Variants in GOPC observed in about 807,000 individuals in gnomAD.
GOPC encodes the protein Golgi-associated PDZ and coiled-coil motif-containing protein.
In GOPC, 32 loss-of-function variants were observed where a neutral mutation model predicts 51.2. That is an observed-to-expected ratio of 0.63 (90% CI 0.47 to 0.84). GOPC has a LOEUF of 0.84. Among genes scored for constraint, GOPC ranks in the 40% least tolerant of loss-of-function variants. GOPC has a pLI of 0.00. For missense variants in GOPC, 441 were observed against 555.5 expected (o/e 0.79, Z 2.07); for synonymous variants, 190 against 205.1 (o/e 0.93, Z 0.63).
chr6:117,570,954 T>G lies in GOPC; in HGVS notation c.818A>C (p.Asp273Ala). The G allele has an allele frequency of 1.3e-6, 2 of 1,554,034 alleles. No homozygotes were observed. Among genetic ancestry groups the G allele is most frequent in the Non-Finnish European group, 1.8e-6 (2 of 1,130,758 alleles). ...KRPMQAPPGH[D>A]QDSLKKSQGV... ...TTGGCTTTTCTTTAGGGAATCTTGATCCTTATTGGGAGGAAAAAAGAAGAA... is the reference window on the plus strand; with the variant it reads ...TTGGCTTTTCTTTAGGGAATCTTGAGCCTTATTGGGAGGAAAAAAGAAGAA... The change falls in exon 6 of 9, where the codon GAT becomes GCT. Residue 273 changes from aspartate to alanine, a missense_variant and splice_region_variant. Physicochemically the swap from Asp to Ala is moderately radical, Grantham distance 126 (BLOSUM62 -2). Around this residue, in one of 3 missense-constraint regions of GOPC, gnomAD observed 166 missense variants for 267.0 expected, o/e 0.62. Transcript: ENST00000368498.
At chr6:117,582,481 G>GT (rs1464772372) in intron 1 of GOPC, among the ~76,000 whole-genome samples, 1 of 151,510 alleles carries the variant, frequency 6.6e-6, no homozygotes, top group Non-Finnish European at 1.5e-5. Flanking sequence ...ATCAAATGTT[G>GT]TTTTTTCTAA....
At chr6:117,592,295 A>T (rs1780130287) in intron 1 of GOPC, among the ~76,000 whole-genome samples, 1 of 152,106 alleles carries the variant, frequency 6.6e-6, no homozygotes, top group Non-Finnish European at 1.5e-5. Context: ...TGAACCCAGG[A>T]GGCAGAGGTT....
chr6:117,600,646 A>G (rs1469404028), intron 1 of GOPC, among the ~76,000 whole-genome samples: 1 of 152,188 alleles, frequency 6.6e-6, no homozygotes, highest in African/African-American at 2.4e-5. Context: ...TTTTTGAAAA[A>G]AATATAATAA....
Position 117,577,477 on chromosome 6 carries a change from G to T in GOPC, c.451-6C>A, listed in dbSNP as rs781449011. 1 of 1,597,360 alleles carries T rather than the reference G, an allele frequency of 6.3e-7. No homozygotes were observed. Among genetic ancestry groups the T allele is most frequent in the South Asian group, 1.1e-5 (1 of 88,326 alleles). On this transcript the variant is annotated splice_region_variant and splice_polypyrimidine_tract_variant and intron_variant, in intron 2 of 8. Transcript: ENST00000368498. The stretch of plus-strand genomic sequence containing the variant: ...TCCTCCACAGAGGGGCCAGACTTCA[G>T]ATATAAGAAAAAAGTTTTATAATTA...
In GOPC at chr6:117,602,231, A is replaced by C. The variant is rs1331240077; in HGVS notation, c.58T>G (p.Cys20Gly). The stretch of plus-strand genomic sequence containing the variant: ...ACCCCGCCAGGGGCCCCCACGGAGC[A>C]GGAGGCGCCCCCTGGGCCCCCTCCG... ...AAGGGPGGASCSVGAPGGVSM... is the reference protein window; with the variant it reads ...AAGGGPGGASGSVGAPGGVSM... The change falls in exon 1 of 9, where the codon TGC (cysteine) becomes GGC (glycine). Residue 20 changes from cysteine to glycine, a missense_variant. This residue lies in a region of GOPC where 204 missense variants were observed against 219.8 expected (regional missense o/e 0.93). Coordinates refer to ENST00000368498, the MANE Select transcript of GOPC (RefSeq NM_020399.4). The C allele has an allele frequency of 6.2e-7, 1 of 1,604,792 alleles. No individual in the cohort carries two copies.
At chr6:117,593,408 A>G (rs1355370276) in intron 1 of GOPC, among the ~76,000 whole-genome samples, 8 of 152,216 alleles carry the variant, frequency 5.3e-5, no homozygotes, top group Non-Finnish European at 1.0e-4. Flanking sequence ...TGCTTCTCAC[A>G]GACTTATGTT....
At chr6:117,570,650 A>G (rs1218925446) in intron 6 of GOPC, among the ~76,000 whole-genome samples, 1 of 152,088 alleles carries the variant, frequency 6.6e-6, no homozygotes, top group Non-Finnish European at 1.5e-5. Flanking sequence ...ATGTTAAACT[A>G]TGCTTACTAA....
intron 7 of GOPC, among the ~76,000 whole-genome samples, 157 bp from the exon 8 acceptor site, chr6:117,567,191 G>A (rs1383092134): frequency 6.6e-6 from 1 of 152,164 alleles, no homozygotes; most frequent in African/African-American, 2.4e-5. Flanking sequence ...TAAAGAGGTA[G>A]TGAGGCCATC....
At chr6:117,596,132 C>G (rs1780194002) in intron 1 of GOPC, among the ~76,000 whole-genome samples, 1 of 152,092 alleles carries the variant, frequency 6.6e-6, no homozygotes, top group Non-Finnish European at 1.5e-5. Context: ...TTTTGATTTG[C>G]ATTCCTCTGA....
chr6:117,593,506 C>T (rs1457158780), intron 1 of GOPC, among the ~76,000 whole-genome samples: 1 of 152,202 alleles, frequency 6.6e-6, no homozygotes, highest in Non-Finnish European at 1.5e-5. Flanking sequence ...CAGCCACACT[C>T]ACTCTTTCTG....
chr6:117,581,903 T>C (rs1040772328), intron 1 of GOPC, among the ~76,000 whole-genome samples: 10 of 152,190 alleles, frequency 6.6e-5, no homozygotes, highest in Non-Finnish European at 1.3e-4. Context: ...TTACAGAGTA[T>C]GTACGTTAGA....
chr6:117,575,093 T>G lies in GOPC; in HGVS notation c.650+84A>C, dbSNP rs1325223497. ...GACTCCATCTCAAAAAAATAAAAAA[T>G]AAAAAAAGAAAGAAGTAAGAGTCAA... On this transcript the variant is annotated intron_variant, in intron 4 of 8. Transcript: ENST00000368498. 5 of 1,132,514 alleles carry G rather than the reference T, an allele frequency of 4.4e-6. No homozygotes were observed. The African/African-American group carries it at 7.9e-5, about 18-fold the overall frequency. The allele number at this position is 1,132,514 out of a possible 1,614,324, so 70.2% of individuals were successfully genotyped here.
intron 1 of GOPC, among the ~76,000 whole-genome samples, chr6:117,582,619 G>A (rs752375860): frequency 3.3e-5 from 5 of 151,178 alleles, no homozygotes; most frequent in African/African-American, 4.9e-5. Context: ...GCTGGACATC[G>A]GAGAGAGGCA....
intron 2 of GOPC, 77 bp downstream of exon 2, chr6:117,578,823 T>A (rs924856105): frequency 5.6e-6 from 5 of 896,496 alleles, no homozygotes; most frequent in Admixed American, 3.2e-5. Context: ...ATTTTATAAT[T>A]TAAAAGTCTC....
intron 7 of GOPC, among the ~76,000 whole-genome samples, chr6:117,568,200 C>T (rs117091311): frequency 0.011 from 1,588 of 150,962 alleles, 21 homozygotes; most frequent in South Asian, 0.044. Context: ...ATCCTGGCTC[C>T]AAAAAAGAAA....
chr6:117,587,712 T>C (rs1013761534), intron 1 of GOPC, among the ~76,000 whole-genome samples: 1 of 152,154 alleles, frequency 6.6e-6, no homozygotes, highest in African/African-American at 2.4e-5. Flanking sequence ...TAAAACATTA[T>C]TTGTCTTTTT....
chr6:117,586,472 ATTCTT>A, intron 1 of GOPC, among the ~76,000 whole-genome samples: 1 of 119,572 alleles, frequency 8.4e-6, no homozygotes, highest in African/African-American at 3.2e-5. Context: ...CATCACAGAG[ATTCTT>A]TTTTTTTTTT....
intron 3 of GOPC, 59 bp downstream of exon 3, chr6:117,577,389 A>G (rs1779898021): frequency 2.1e-6 from 3 of 1,454,708 alleles, no homozygotes; most frequent in Non-Finnish European, 9.5e-7. Flanking sequence ...ATATGCAAAT[A>G]AAACACTAAG....
rs1265161048 is a variant in GOPC, at chr6:117,561,416, G to A, written c.*1838C>T. 5 of 224,028 alleles carry A rather than the reference G, an allele frequency of 2.2e-5. No homozygotes were observed. The Admixed American group carries it at 2.3e-4, about 10-fold the overall frequency. The allele number at this position is 224,028 out of a possible 1,614,324, so 13.9% of individuals were successfully genotyped here. A position where few individuals can be genotyped will look rare whatever the true frequency, so the allele number is the denominator to read the frequency against. The stretch of plus-strand genomic sequence containing the variant: ...TCCATCCCAGGCTGTGTTTTAAGAA[G>A]ATAAGAATAACATGGTTTCATGTCA... On this transcript the variant is annotated 3_prime_UTR_variant, in exon 9 of 9. Coordinates refer to ENST00000368498, the MANE Select transcript of GOPC (RefSeq NM_020399.4).
Sources: allele counts gnomAD v4.1 joint callset (sites outside exome capture counted in the v4.1 genomes callset), GRCh38; gene constraint gnomAD v4.1.1; regional missense constraint gnomAD v4.1.1; transcripts MANE v1.5; gene names NCBI Gene and HGNC (gene_info 2026-07-23, HGNC 2026-07-21).